Variants in RIC1 observed in about 807,000 individuals in gnomAD.
RIC1 encodes the protein RIC1 partner of RAB6A GEF complex.
Under a neutral mutation model 169.0 loss-of-function variants are expected in RIC1, and 88 were observed. The ratio of observed to expected loss-of-function variants is 0.52; its 90% CI spans 0.44 to 0.62. The LOEUF (loss-of-function observed/expected upper bound fraction) is 0.62. Among genes scored for constraint, RIC1 ranks in the 20% least tolerant of loss-of-function variants. The pLI, the probability that RIC1 is intolerant of heterozygous loss-of-function variation, is 0.00. For synonymous variants in RIC1, 790 were observed against 601.5 expected (o/e 1.31, Z -4.59); for missense variants, 1,877 against 1,725.5 (o/e 1.09, Z -1.56).
chr9:5,712,028 A>G (rs555379605), intron 3 of RIC1, among the ~76,000 whole-genome samples: 34 of 152,316 alleles, frequency 2.2e-4, no homozygotes, highest in African/African-American at 5.5e-4. Flanking sequence ...TAGTGCCGCA[A>G]TAAACATACA....
At chr9:5,756,463 C>T (rs565251671) in intron 16 of RIC1, 91 bp downstream of exon 16, 27 of 822,010 alleles carry the variant, frequency 3.3e-5, no homozygotes, top group South Asian at 4.4e-5. Flanking sequence ...AGTTATTCCA[C>T]TTTTATATTC....
At chr9:5,749,397 A>G (rs1308087234) in intron 12 of RIC1, among the ~76,000 whole-genome samples, 1 of 152,182 alleles carries the variant, frequency 6.6e-6, no homozygotes, top group African/African-American at 2.4e-5. Flanking sequence ...TTTACGTTCT[A>G]GGCTTTTTAG....
At chr9:5,643,233 G>T (rs949790662) in intron 1 of RIC1, among the ~76,000 whole-genome samples, 1 of 152,100 alleles carries the variant, frequency 6.6e-6, no homozygotes, top group Non-Finnish European at 1.5e-5. Flanking sequence ...TTTGAGCCTG[G>T]GATGTCTTGA....
At position 5,747,304 on chromosome 9, in the gene RIC1, T is replaced by C. The variant is rs201153081; in HGVS notation, c.1251T>C (p.Ser417=). 4.6e-4 allele frequency: 737 copies of C among 1,613,696 alleles called. 2 individuals carry two copies. The Middle Eastern group carries it at 5.1e-3, about 11-fold the overall frequency. Residue 417 remains serine (S), a splice_region_variant and synonymous_variant, in exon 12 of 26, where the codon AGT becomes AGC. Transcript: ENST00000414202. ...KSVLTVNPCM[S]NQEQVLLQGE... ...TTGTTCCTCTTTCCCTCATTTAGAG[T>C]AACCAAGAGCAGGTGTTGCTTCAGG...
chr9:5,674,733 G>A (rs1820341316), intron 2 of RIC1, among the ~76,000 whole-genome samples: 1 of 152,142 alleles, frequency 6.6e-6, no homozygotes, highest in South Asian at 2.1e-4. Flanking sequence ...CTTGGAACTT[G>A]TGGATTACCA....
Position 5,714,612 on chromosome 9 carries a change from C to T in RIC1, c.440+609C>T, listed in dbSNP as rs547117697. ...GTAGATATAAGAAAATTTATTTAAA[C>T]GATACGCAGCTGTAAAAACATTGAG... On this transcript the variant is annotated intron_variant, in intron 4 of 25. Coordinates refer to ENST00000414202, the MANE Select transcript of RIC1 (RefSeq NM_020829.4). 3.3e-4 allele frequency among the ~76,000 whole-genome samples: 50 copies of T among 151,908 alleles called. 1 individual carries two copies. The South Asian group carries it at 6.5e-3, about 20-fold the overall frequency.
chr9:5,740,788 A>T (rs1013276514), intron 8 of RIC1, among the ~76,000 whole-genome samples: 3 of 152,064 alleles, frequency 2.0e-5, no homozygotes, highest in African/African-American at 7.2e-5. Context: ...CTCCTTTGGC[A>T]GCACCCTCAC....
At chr9:5,773,381 A>C (rs1276459532) in intron 25 of RIC1, among the ~76,000 whole-genome samples, 1 of 152,182 alleles carries the variant, frequency 6.6e-6, no homozygotes, top group Non-Finnish European at 1.5e-5. Context: ...CTGGAACTTC[A>C]GATTTGCATC....
At chr9:5,668,691 T>G (rs1819923721) in intron 2 of RIC1, among the ~76,000 whole-genome samples, 1 of 152,206 alleles carries the variant, frequency 6.6e-6, no homozygotes, top group African/African-American at 2.4e-5. Context: ...TTTTTCATTT[T>G]AGTTACTGTA....
At chr9:5,678,717 T>G (rs528143352) in intron 2 of RIC1, among the ~76,000 whole-genome samples, 13 of 152,364 alleles carry the variant, frequency 8.5e-5, no homozygotes, top group Admixed American at 7.2e-4. Context: ...TAAATTTGTT[T>G]GAGTTCATTG....
Position 5,765,704 on chromosome 9 carries a change from A to G in RIC1, c.3043A>G (p.Ser1015Gly). The change falls in exon 21 of 26, where the codon AGC (serine) becomes GGC (glycine). Residue 1015 changes from serine to glycine, a missense_variant. Ser to Gly is a moderately conservative substitution (Grantham distance 56). Around this residue, in one of 3 missense-constraint regions of RIC1, gnomAD observed 681 missense variants for 582.0 expected, o/e 1.17. Coordinates refer to ENST00000414202, the MANE Select transcript of RIC1 (RefSeq NM_020829.4). ...SGGFEFFRNR[S>G]ISLSQSAENV... ...TGGATTTGAGTTCTTCAGGAATCGAAGCATCAGTTTATCCCAGTCAGCTGA... is the reference window on the plus strand; with the variant it reads ...TGGATTTGAGTTCTTCAGGAATCGAGGCATCAGTTTATCCCAGTCAGCTGA... 1 of 1,614,196 alleles carries G rather than the reference A, an allele frequency of 6.2e-7. No individual in the cohort carries two copies. The highest frequency in any genetic ancestry group is 8.5e-7 in the Non-Finnish European group (1 of 1,180,018).
In RIC1 at chr9:5,772,722, A is replaced by G; in HGVS notation, c.3775A>G (p.Lys1259Glu). ...GGAGTTGGCCAGTAAAGGGCCTCAT[A>G]AATCCCAGGTCCAGCTTCGGTGAGT... ...SMELASKGPH[K>E]SQVQLRYLLH... is the part of the protein sequence containing the mutation. Residue 1259 changes from lysine (K) to glutamate (E), a missense_variant, in exon 24 of 26, where the codon AAA (lysine) becomes GAA (glutamate). Coordinates refer to ENST00000414202, the MANE Select transcript of RIC1 (RefSeq NM_020829.4). The G allele has an allele frequency of 6.2e-7, 1 of 1,607,824 alleles. No individual in the cohort carries two copies. The highest frequency in any genetic ancestry group is 8.5e-7 in the Non-Finnish European group (1 of 1,178,048).
Position 5,769,218 on chromosome 9 carries a change from C to A in RIC1, c.3386C>A (p.Ser1129Tyr). 1 of 1,614,146 alleles carries A rather than the reference C, an allele frequency of 6.2e-7. No individual in the cohort carries two copies. The highest frequency in any genetic ancestry group is 8.5e-7 in the Non-Finnish European group (1 of 1,179,984). ...CCACTTCCAATCATCCCAGCCTCTT[C>A]TATCAGTTCTCCTTTCAAAAATGGA... Reference protein sequence around the residue: ...LWPLPIIPASSISSPFKNGKY... With the variant: ...LWPLPIIPASYISSPFKNGKY... The change falls in exon 22 of 26, where the codon TCT (serine) becomes TAT (tyrosine). Residue 1129 changes from serine to tyrosine, a missense_variant. By Grantham distance (144) the Ser-to-Tyr change is moderately radical. Coordinates refer to ENST00000414202, the MANE Select transcript of RIC1 (RefSeq NM_020829.4).
intron 6 of RIC1, among the ~76,000 whole-genome samples, chr9:5,721,624 C>A (rs1823595474): frequency 6.6e-6 from 1 of 152,166 alleles, no homozygotes; most frequent in African/African-American, 2.4e-5. Context: ...ACAAGGAGTC[C>A]CATCTTTCAG....
Position 5,770,088 on chromosome 9 carries a change from G to C in RIC1, c.3426G>C (p.Val1142=). Residue 1142 remains valine (V), a splice_region_variant and synonymous_variant, in exon 23 of 26, where the codon GTG becomes GTC. Coordinates refer to ENST00000414202, the MANE Select transcript of RIC1 (RefSeq NM_020829.4). The part of the protein sequence containing the change: ...SPFKNGKYRT[V]GEQLLKSQSA... ...TTTGTTTTCGGACCCACTCTGCAGT[G>C]GGAGAGCAGCTGTTAAAGTCTCAAT... is the stretch of plus-strand genomic sequence containing the variant. 1 of 1,609,886 alleles carries C rather than the reference G, an allele frequency of 6.2e-7. No homozygotes were observed.
intron 1 of RIC1, among the ~76,000 whole-genome samples, chr9:5,632,130 G>T (rs4742108): frequency 0.22 from 33,515 of 152,118 alleles, 4,406 homozygotes; most frequent in East Asian, 0.34. Flanking sequence ...CATGCTCGTA[G>T]AGATGATAAA....
chr9:5,750,034 C>T (rs1203472942), intron 12 of RIC1, among the ~76,000 whole-genome samples: 1 of 152,000 alleles, frequency 6.6e-6, no homozygotes, highest in East Asian at 1.9e-4. Context: ...GCCTCAGCCT[C>T]CCAAAGTACT....
chr9:5,690,598 A>G (rs868701051), intron 3 of RIC1, among the ~76,000 whole-genome samples: 2 of 151,534 alleles, frequency 1.3e-5, no homozygotes, highest in African/African-American at 4.8e-5. Context: ...ATAAAGCCAG[A>G]TAAAAATATA....
chr9:5,770,055 C>A lies in RIC1; in HGVS notation c.3425-32C>A. The A allele has an allele frequency of 1.9e-6, 3 of 1,559,294 alleles. No individual in the cohort carries two copies. The South Asian group carries it at 3.6e-5, about 19-fold the overall frequency. ...CAGTGTGTGCATCTTCAATTTCTTC[C>A]TCCATTTTTTGTTTTCGGACCCACT... On this transcript the variant is annotated intron_variant, in intron 22 of 25. Coordinates refer to ENST00000414202, the MANE Select transcript of RIC1 (RefSeq NM_020829.4).
Sources: allele counts gnomAD v4.1 joint callset (sites outside exome capture counted in the v4.1 genomes callset), GRCh38; gene constraint gnomAD v4.1.1; regional missense constraint gnomAD v4.1.1; transcripts MANE v1.5; gene names NCBI Gene and HGNC (gene_info 2026-07-23, HGNC 2026-07-21).